Variants in MATCAP2 observed in about 807,000 individuals in gnomAD.
The protein encoded by MATCAP2 is putative tyrosine carboxypeptidase MATCAP2.
At chr7:36,355,278 T>G in the MATCAP2 span, 1 of 152,214 alleles carries the variant, frequency 6.6e-6, no homozygotes, top group Non-Finnish European at 1.5e-5. Flanking sequence ...TTCTCTCATT[T>G]AATTATCAAA....
the MATCAP2 span, among the ~76,000 whole-genome samples, chr7:36,341,412 T>C: frequency 6.6e-6 from 1 of 152,238 alleles, no homozygotes; most frequent in African/African-American, 2.4e-5. Context: ...AAAGGTAGAC[T>C]CCTGATTGTA....
chr7:36,372,630 A>G, the MATCAP2 span, among the ~76,000 whole-genome samples: 1 of 152,350 alleles, frequency 6.6e-6, no homozygotes, highest in African/African-American at 2.4e-5. Context: ...TAAGGGAGGA[A>G]GGATGTTTTT....
chr7:36,360,897 A>T, the MATCAP2 span, among the ~76,000 whole-genome samples: 2 of 152,186 alleles, frequency 1.3e-5, no homozygotes, highest in Non-Finnish European at 2.9e-5. Context: ...GAAAAGTAAT[A>T]AGGTAATTAA....
At chr7:36,353,259 A>G in the MATCAP2 span, among the ~76,000 whole-genome samples, 1 of 152,142 alleles carries the variant, frequency 6.6e-6, no homozygotes, top group Non-Finnish European at 1.5e-5. Context: ...AGCCTGGGCG[A>G]CAGAGCAAGA....
At chr7:36,333,971 G>A in the MATCAP2 span, 1 of 1,613,962 alleles carries the variant, frequency 6.2e-7, no homozygotes, top group East Asian at 2.2e-5. Context: ...AAGACATTTG[G>A]CTGGCTTGAT....
chr7:36,344,089 G>A, the MATCAP2 span, among the ~76,000 whole-genome samples: 4 of 152,114 alleles, frequency 2.6e-5, no homozygotes, highest in Non-Finnish European at 5.9e-5. Flanking sequence ...TTAATAAGAA[G>A]AGAAGCACTC....
At chr7:36,349,356 T>C in the MATCAP2 span, among the ~76,000 whole-genome samples, 1 of 152,216 alleles carries the variant, frequency 6.6e-6, no homozygotes, top group Non-Finnish European at 1.5e-5. Context: ...CAAAATATTA[T>C]AGAATTGTAA....
the MATCAP2 span, among the ~76,000 whole-genome samples, chr7:36,340,322 G>T: frequency 2.6e-5 from 4 of 152,254 alleles, no homozygotes; most frequent in East Asian, 1.9e-4. Flanking sequence ...TTAAATACAC[G>T]TGTTCCTTGT....
At chr7:36,337,123 A>AAAAAAAAAAAAAAAC in the MATCAP2 span, among the ~76,000 whole-genome samples, 2 of 145,484 alleles carry the variant, frequency 1.4e-5, no homozygotes, top group Non-Finnish European at 3.0e-5. Flanking sequence ...AAAAAAAAAA[A>AAAAAAAAAAAAAAAC]AAGCAATCAG....
the MATCAP2 span, chr7:36,336,082 T>TA: frequency 8.6e-6 from 10 of 1,156,072 alleles, no homozygotes; most frequent in East Asian, 2.9e-5. Flanking sequence ...AAAAATAAAA[T>TA]AAATAAAATA....
At chr7:36,356,978 T>C in the MATCAP2 span, 23 of 1,614,230 alleles carry the variant, frequency 1.4e-5, no homozygotes, top group South Asian at 2.5e-4. Context: ...ATACTCAAAC[T>C]GAGGATTGTA....
chr7:36,369,546 C>G, the MATCAP2 span, among the ~76,000 whole-genome samples: 1 of 152,250 alleles, frequency 6.6e-6, no homozygotes, highest in South Asian at 2.1e-4. Flanking sequence ...AAGATGTTAC[C>G]AAGTCATATG....
At chr7:36,369,555 T>C in the MATCAP2 span, among the ~76,000 whole-genome samples, 1 of 152,238 alleles carries the variant, frequency 6.6e-6, no homozygotes, top group Non-Finnish European at 1.5e-5. Context: ...CCAAGTCATA[T>C]GTTCAGTGCT....
the MATCAP2 span, chr7:36,366,815 A>G: frequency 6.6e-7 from 1 of 1,522,918 alleles, no homozygotes; most frequent in Non-Finnish European, 8.8e-7. Context: ...TGGAGTCCCG[A>G]GCGGCGCGCC....
chr7:36,335,493 G>C, the MATCAP2 span, among the ~76,000 whole-genome samples: 1 of 152,232 alleles, frequency 6.6e-6, no homozygotes, highest in African/African-American at 2.4e-5. Flanking sequence ...TGCAGAAGAA[G>C]ATACAGGTGC....
At chr7:36,355,302 G>A in the MATCAP2 span, 2 of 152,176 alleles carry the variant, frequency 1.3e-5, no homozygotes, top group African/African-American at 4.8e-5. Flanking sequence ...ATCTCCTAAA[G>A]TAGGTATTTT....
chr7:36,346,038 G>A, the MATCAP2 span, among the ~76,000 whole-genome samples: 1 of 151,832 alleles, frequency 6.6e-6, no homozygotes, highest in Non-Finnish European at 1.5e-5. Flanking sequence ...TTCCAAAGAG[G>A]ATATACAAAA....
chr7:36,387,853 G>A, the MATCAP2 span, among the ~76,000 whole-genome samples: 1 of 151,940 alleles, frequency 6.6e-6, no homozygotes, highest in Non-Finnish European at 1.5e-5. Flanking sequence ...AATTTCTAAT[G>A]ACTCATTTTC....
the MATCAP2 span, chr7:36,335,219 CAT>C: frequency 1.9e-6 from 3 of 1,595,822 alleles, no homozygotes; most frequent in Non-Finnish European, 2.6e-6. Context: ...TAAAACAAAA[CAT>C]AAAGGTAAGG....
Sources: gnomAD v4.1 joint callset for allele counts (sites outside exome capture counted in the v4.1 genomes callset) on GRCh38, gnomAD v4.1.1 for gene constraint, MANE v1.5 for transcripts, NCBI Gene and HGNC (gene_info 2026-07-23, HGNC 2026-07-21) for gene names.